Variants in PDXDC1 observed in about 807,000 individuals in gnomAD.
The protein encoded by PDXDC1 is pyridoxal dependent decarboxylase domain containing 1.
Under a neutral mutation model 100.1 loss-of-function variants are expected in PDXDC1, and 42 were observed. The ratio of observed to expected loss-of-function variants is 0.42; its 90% CI spans 0.33 to 0.54. The LOEUF is 0.54. PDXDC1 is among the 20% of genes least tolerant of loss of function. PDXDC1 has a pLI of 0.10. For missense variants in PDXDC1, 636 were observed against 979.2 expected, an observed-to-expected ratio of 0.65 and a Z score of 4.68; for synonymous variants, 260 against 371.7, an observed-to-expected ratio of 0.70 and a Z score of 3.46.
chr16:14,976,483 A>C (rs1439379080), intron 1 of PDXDC1, among the ~76,000 whole-genome samples: 1 of 152,276 alleles, frequency 6.6e-6, no homozygotes, highest in South Asian at 2.1e-4. Context: ...GACAAGAAAA[A>C]GATAATATGG....
intron 1 of PDXDC1, chr16:14,990,301 G>A (rs1193413362): frequency 1.0e-5 from 2 of 197,280 alleles, no homozygotes; most frequent in African/African-American, 2.4e-5. Flanking sequence ...CGCAGCAGCC[G>A]CCATCGCTGC....
intron 16 of PDXDC1, chr16:15,047,669 G>C (rs571558915): frequency 4.3e-6 from 4 of 929,828 alleles, no homozygotes; most frequent in South Asian, 4.1e-5. Flanking sequence ...GGGGAAAAAC[G>C]GACAGGTCTG....
intron 16 of PDXDC1, among the ~76,000 whole-genome samples, chr16:15,102,316 C>T (rs578192772): frequency 2.0e-4 from 31 of 152,238 alleles, no homozygotes; most frequent in Middle Eastern, 3.4e-3. Flanking sequence ...CATTATAAAC[C>T]TGCCCTGAAG....
intron 16 of PDXDC1, chr16:15,104,593 G>GAC: frequency 6.3e-7 from 1 of 1,599,622 alleles, no homozygotes; most frequent in South Asian, 1.1e-5. Context: ...GGATAGAGCA[G>GAC]ACACTCCGCA....
At chr16:15,130,363 G>C (rs1332416922) in intron 16 of PDXDC1, 1 of 1,565,602 alleles carries the variant, frequency 6.4e-7, no homozygotes, top group African/African-American at 1.4e-5. Context: ...TACTGGCACA[G>C]GGACGTGTAC....
intron 16 of PDXDC1, among the ~76,000 whole-genome samples, chr16:15,101,165 G>A (rs1348496110): frequency 6.6e-6 from 1 of 152,164 alleles, no homozygotes; most frequent in Non-Finnish European, 1.5e-5. Flanking sequence ...AATATGTCAC[G>A]GTGTACAGGA....
At chr16:14,977,838 TC>T (rs1967046990) in intron 1 of PDXDC1, among the ~76,000 whole-genome samples, 1 of 152,278 alleles carries the variant, frequency 6.6e-6, no homozygotes, top group Non-Finnish European at 1.5e-5. Flanking sequence ...TTGTAAATGA[TC>T]CCATTTAAAC....
chr16:15,035,428 C>A, intron 21 of PDXDC1, 21 bp from the exon 22 acceptor site: 8 of 1,505,202 alleles, frequency 5.3e-6, no homozygotes, highest in Non-Finnish European at 6.4e-6. Flanking sequence ...AGCTTCTACC[C>A]AGCCCTCTCC....
intron 16 of PDXDC1, chr16:15,136,593 C>A (rs1682442491): frequency 1.0e-5 from 12 of 1,191,502 alleles, no homozygotes; most frequent in South Asian, 1.4e-5. Flanking sequence ...CCAGGAAGCG[C>A]TGCACGGCGG....
chr16:14,981,851 T>C (rs2151166390), intron 1 of PDXDC1, among the ~76,000 whole-genome samples: 1 of 152,034 alleles, frequency 6.6e-6, no homozygotes, highest in East Asian at 1.9e-4. Flanking sequence ...TTTTTTGAGA[T>C]GGAGTTTTGC....
intron 16 of PDXDC1, chr16:15,131,565 C>G (rs1338282108): frequency 6.2e-7 from 1 of 1,608,970 alleles, no homozygotes; most frequent in Non-Finnish European, 8.5e-7. Flanking sequence ...CCTCGTTGAG[C>G]ACGCGGGAGC....
chr16:15,119,154 GT>G, intron 16 of PDXDC1: 1 of 626,142 alleles, frequency 1.6e-6, no homozygotes, highest in African/African-American at 2.0e-5. Context: ...CCTCCAAAAG[GT>G]AACCACATCC....
the PDXDC1 span, among the ~76,000 whole-genome samples, chr16:15,150,018 G>A: frequency 9.9e-5 from 15 of 151,996 alleles, no homozygotes; most frequent in African/African-American, 3.6e-4. Context: ...AATTGCACAA[G>A]GAAAAAGAGA....
intron 16 of PDXDC1, chr16:15,110,956 C>G (rs1255743263): frequency 2.7e-5 from 19 of 693,842 alleles, no homozygotes; most frequent in Middle Eastern, 4.0e-4. Context: ...TGGTGAAACC[C>G]CATCTCTACT....
intron 2 of PDXDC1, among the ~76,000 whole-genome samples, 193 bp from the exon 3 acceptor site, chr16:14,998,144 TTTG>T (rs1268172433): frequency 3.9e-5 from 6 of 152,282 alleles, no homozygotes; most frequent in African/African-American, 1.4e-4. Context: ...GTGGAACTTT[TTTG>T]TTGCATATTC....
chr16:14,975,885 G>A (rs1238153015), intron 1 of PDXDC1, among the ~76,000 whole-genome samples: 1 of 152,298 alleles, frequency 6.6e-6, no homozygotes. Flanking sequence ...TCCAGAAAGG[G>A]GTGGGTGTTG....
chr16:15,101,592 G>A (rs1299777049), intron 16 of PDXDC1, among the ~76,000 whole-genome samples: 1 of 150,256 alleles, frequency 6.7e-6, no homozygotes, highest in East Asian at 1.9e-4. Flanking sequence ...CCCAGGCGTG[G>A]TGGCACATGC....
At chr16:15,104,316 T>G in intron 16 of PDXDC1, 10 of 1,522,228 alleles carry the variant, frequency 6.6e-6, no homozygotes, top group Non-Finnish European at 8.8e-6. Flanking sequence ...GCAGTATTCA[T>G]TTTATTTTTA....
chr16:15,035,623 C>T (rs769866315), intron 22 of PDXDC1, 70 bp downstream of exon 22: 41 of 886,146 alleles, frequency 4.6e-5, no homozygotes, highest in South Asian at 2.4e-4. Context: ...CGTTTGTTTT[C>T]TGGGTTCTTG....
Sources: allele counts gnomAD v4.1 joint callset (sites outside exome capture counted in the v4.1 genomes callset), GRCh38; gene constraint gnomAD v4.1.1; transcripts MANE v1.5; gene names NCBI Gene and HGNC (gene_info 2026-07-23, HGNC 2026-07-21).